Variants in FAM13A observed in about 807,000 individuals in gnomAD.
The protein encoded by FAM13A is protein FAM13A.
Under a neutral mutation model 129.6 loss-of-function variants are expected in FAM13A, and 76 were observed. The observed-to-expected ratio is 0.59, with a 90% CI of 0.49 to 0.71. The LOEUF (loss-of-function observed/expected upper bound fraction) is 0.71. Ranked by LOEUF, FAM13A falls within the 30% of genes least tolerant of loss-of-function variation. FAM13A has a pLI of 0.00. For missense variants in FAM13A, 1,108 were observed against 1,249.3 expected (o/e 0.89, Z 1.70); for synonymous variants, 443 against 449.9 (o/e 0.98, Z 0.20).
intron 10 of FAM13A, among the ~76,000 whole-genome samples, chr4:88,785,841 T>C (rs1041242043): frequency 1.3e-5 from 2 of 152,140 alleles, no homozygotes; most frequent in Non-Finnish European, 1.5e-5. Flanking sequence ...GATTGTATCA[T>C]AGTGTGCCAG....
At chr4:88,824,507 C>T (rs1010513974) in intron 7 of FAM13A, among the ~76,000 whole-genome samples, 4 of 152,218 alleles carry the variant, frequency 2.6e-5, no homozygotes, top group African/African-American at 9.6e-5. Context: ...TAATGATAAA[C>T]TATCAGTAAC....
intron 7 of FAM13A, among the ~76,000 whole-genome samples, chr4:88,840,346 C>G (rs1320891606): frequency 6.6e-6 from 1 of 152,094 alleles, no homozygotes; most frequent in Non-Finnish European, 1.5e-5. Flanking sequence ...AATCCTTTAT[C>G]AGAGATTTGC....
intron 1 of FAM13A, among the ~76,000 whole-genome samples, chr4:89,039,093 C>T (rs1769769627): frequency 6.6e-6 from 1 of 152,088 alleles, no homozygotes; most frequent in African/African-American, 2.4e-5. Flanking sequence ...AGGTGATGCT[C>T]ACTAGCTTGT....
intron 4 of FAM13A, among the ~76,000 whole-genome samples, chr4:88,945,990 G>GTATGTATGTGTGTATATATA (rs1553901196): frequency 1.6e-5 from 1 of 61,966 alleles, no homozygotes; most frequent in African/African-American, 8.6e-5. Context: ...GTGTGTGTGT[G>GTATGTATGTGTGTATATATA]TATATATATA....
intron 7 of FAM13A, among the ~76,000 whole-genome samples, chr4:88,832,548 C>T (rs1734065725): frequency 6.6e-6 from 1 of 151,638 alleles, no homozygotes; most frequent in African/African-American, 2.4e-5. Context: ...AGAAAAAAAC[C>T]AACCCCATTA....
intron 21 of FAM13A, among the ~76,000 whole-genome samples, chr4:88,734,117 A>C (rs1251450443): frequency 6.6e-6 from 1 of 152,154 alleles, no homozygotes; most frequent in East Asian, 1.9e-4. Flanking sequence ...ATTGGGAAAA[A>C]TCAGTGATCA....
intron 1 of FAM13A, among the ~76,000 whole-genome samples, chr4:89,044,930 T>C (rs528930596): frequency 1.3e-5 from 2 of 150,724 alleles, no homozygotes; most frequent in South Asian, 2.1e-4. Context: ...GTGGGAGAAA[T>C]AGGAAGTTAT....
chr4:88,844,469 C>A (rs1189345244), intron 7 of FAM13A, among the ~76,000 whole-genome samples: 1 of 152,086 alleles, frequency 6.6e-6, no homozygotes, highest in East Asian at 1.9e-4. Flanking sequence ...TACAGGGCTG[C>A]CTGACAGAAG....
At chr4:88,925,860 C>T (rs1332212929) in intron 5 of FAM13A, among the ~76,000 whole-genome samples, 1 of 151,976 alleles carries the variant, frequency 6.6e-6, no homozygotes, top group Non-Finnish European at 1.5e-5. Context: ...AAAGAAAGTG[C>T]CACAAGACAA....
chr4:89,019,768 A>C (rs1156857815), intron 3 of FAM13A, among the ~76,000 whole-genome samples: 2 of 151,510 alleles, frequency 1.3e-5, no homozygotes, highest in Non-Finnish European at 2.9e-5. Context: ...TCTCAAAAAA[A>C]AAAAAAAAAA....
At position 88,767,531 on chromosome 4, in the gene FAM13A, C is replaced by T; in HGVS notation, c.1578+22G>A. The T allele has an allele frequency of 3.2e-6, 5 of 1,585,114 alleles. No individual in the cohort carries two copies. In the South Asian group the frequency reaches 5.8e-5, roughly 18 times the overall value. On this transcript the variant is annotated intron_variant, in intron 13 of 23. Coordinates refer to ENST00000264344, the MANE Select transcript of FAM13A (RefSeq NM_014883.4). Reference sequence around the variant, plus strand: ...TATGAACAGCCCCGTCACAGTCTTACTCTTGCTTGTTAGCTACTCACCTCA... The same window carrying T: ...TATGAACAGCCCCGTCACAGTCTTATTCTTGCTTGTTAGCTACTCACCTCA...
chr4:88,952,163 G>C (rs1757051135), intron 4 of FAM13A, among the ~76,000 whole-genome samples: 1 of 151,618 alleles, frequency 6.6e-6, no homozygotes, highest in Non-Finnish European at 1.5e-5. Context: ...GAAGTTATAG[G>C]CCAAACCAGC....
chr4:88,804,955 G>T, intron 8 of FAM13A, 56 bp downstream of exon 8: 1 of 955,902 alleles, frequency 1.0e-6, no homozygotes, highest in Non-Finnish European at 1.7e-6. Context: ...TAAACCCAAA[G>T]AAGCCTTAAC....
intron 1 of FAM13A, among the ~76,000 whole-genome samples, chr4:89,043,981 C>T (rs1448296912): frequency 6.6e-6 from 1 of 151,268 alleles, no homozygotes; most frequent in Non-Finnish European, 1.5e-5. Context: ...ACCTAGAGTC[C>T]CAGCTACTCA....
intron 6 of FAM13A, among the ~76,000 whole-genome samples, chr4:88,899,670 A>G (rs1746943260): frequency 6.6e-6 from 1 of 152,062 alleles, no homozygotes; most frequent in African/African-American, 2.4e-5. Flanking sequence ...CTCATGAAAC[A>G]TTCTGGATTA....
chr4:88,738,132 A>G (rs1739397392), intron 20 of FAM13A, among the ~76,000 whole-genome samples: 2 of 152,310 alleles, frequency 1.3e-5, no homozygotes, highest in South Asian at 2.1e-4. Context: ...CATTAAATAC[A>G]TTGTTAAAAG....
chr4:89,032,257 A>T (rs896710646), intron 1 of FAM13A, among the ~76,000 whole-genome samples: 1 of 147,910 alleles, frequency 6.8e-6, no homozygotes, highest in South Asian at 2.2e-4. Flanking sequence ...AAAAAAAAAA[A>T]AGTTACTAAT....
chr4:88,810,004 T>C (rs1428740355), intron 7 of FAM13A, among the ~76,000 whole-genome samples: 2 of 152,136 alleles, frequency 1.3e-5, no homozygotes, highest in African/African-American at 4.8e-5. Flanking sequence ...TTTATAGTTT[T>C]ATTATTTGCA....
chr4:88,787,492 C>A (rs1724197669), intron 10 of FAM13A, among the ~76,000 whole-genome samples: 1 of 152,068 alleles, frequency 6.6e-6, no homozygotes, highest in African/African-American at 2.4e-5. Flanking sequence ...ATGAGGAAGC[C>A]ATAGGGTGTA....
Sources: allele counts gnomAD v4.1 joint callset (sites outside exome capture counted in the v4.1 genomes callset), GRCh38; gene constraint gnomAD v4.1.1; transcripts MANE v1.5; gene names NCBI Gene and HGNC (gene_info 2026-07-23, HGNC 2026-07-21).